Variants in MAF observed in about 807,000 individuals in gnomAD.
MAF encodes the protein MAF bZIP transcription factor, also known as transcription factor Maf.
A neutral mutation model predicts 22.0 loss-of-function variants in MAF; 10 were observed. The observed-to-expected ratio is 0.45, with a 90% CI of 0.28 to 0.77. The LOEUF is 0.77. Among genes scored for constraint, MAF ranks in the 30% least tolerant of loss-of-function variants. The probability of loss-of-function intolerance (pLI) is 0.12; values close to 1 mark genes in which losing one functional copy is unlikely to be tolerated. For synonymous variants in MAF, 337 were observed against 255.8 expected (o/e 1.32, Z -3.03); for missense variants, 544 against 548.4 (o/e 0.99, Z 0.08).
the MAF span, among the ~76,000 whole-genome samples, chr16:79,417,023 C>G: frequency 6.6e-6 from 1 of 152,186 alleles, no homozygotes; most frequent in Non-Finnish European, 1.5e-5. Flanking sequence ...GTTGTTTCCA[C>G]AATGCCAGAA....
At chr16:79,547,163 A>T in the MAF span, among the ~76,000 whole-genome samples, 1 of 151,994 alleles carries the variant, frequency 6.6e-6, no homozygotes, top group Non-Finnish European at 1.5e-5. Context: ...ACATGGAAAC[A>T]TCCTCTACTC....
the MAF span, among the ~76,000 whole-genome samples, chr16:79,354,483 CA>C: frequency 6.6e-6 from 1 of 152,128 alleles, no homozygotes; most frequent in Non-Finnish European, 1.5e-5. Context: ...AGAAGCAAAT[CA>C]GGGGGACTTC....
chr16:79,526,508 G>A, the MAF span, among the ~76,000 whole-genome samples: 1 of 152,138 alleles, frequency 6.6e-6, no homozygotes, highest in Non-Finnish European at 1.5e-5. Context: ...CTGGGGGTTA[G>A]GGACCACTTC....
chr16:79,303,743 A>G, the MAF span, among the ~76,000 whole-genome samples: 1 of 152,218 alleles, frequency 6.6e-6, no homozygotes, highest in Non-Finnish European at 1.5e-5. Context: ...TTATCAGACC[A>G]TGATATTACT....
At chr16:79,329,994 A>G in the MAF span, among the ~76,000 whole-genome samples, 1 of 152,214 alleles carries the variant, frequency 6.6e-6, no homozygotes, top group Non-Finnish European at 1.5e-5. Flanking sequence ...TTAGGAAATG[A>G]GCAACTAATC....
the MAF span, among the ~76,000 whole-genome samples, chr16:79,246,166 C>T: frequency 6.6e-6 from 1 of 152,070 alleles, no homozygotes; most frequent in Non-Finnish European, 1.5e-5. Context: ...TGGAACAAAC[C>T]TGCACATTCT....
the MAF span, among the ~76,000 whole-genome samples, chr16:79,423,323 G>C: frequency 1.1e-4 from 17 of 152,220 alleles, no homozygotes; most frequent in African/African-American, 4.1e-4. Flanking sequence ...GAATGAATTT[G>C]GCTTGTCTGG....
At chr16:79,468,967 A>T in the MAF span, among the ~76,000 whole-genome samples, 1 of 152,180 alleles carries the variant, frequency 6.6e-6, no homozygotes, top group African/African-American at 2.4e-5. Flanking sequence ...TCTTCCATAT[A>T]AAGAGTGATG....
At chr16:79,337,723 G>GCA in the MAF span, among the ~76,000 whole-genome samples, 1 of 152,088 alleles carries the variant, frequency 6.6e-6, no homozygotes, top group South Asian at 2.1e-4. Context: ...ATACACACAA[G>GCA]CACACGTGTG....
the MAF span, among the ~76,000 whole-genome samples, chr16:79,579,135 T>C: frequency 2.6e-5 from 4 of 152,314 alleles, no homozygotes; most frequent in East Asian, 7.7e-4. Flanking sequence ...GCCCTATAGC[T>C]TACAGACAGA....
At chr16:79,309,596 A>C in the MAF span, among the ~76,000 whole-genome samples, 2 of 152,228 alleles carry the variant, frequency 1.3e-5, no homozygotes, top group Admixed American at 6.5e-5. Flanking sequence ...AACACCTGTC[A>C]AAAGACAAAA....
chr16:79,226,321 T>C, the MAF span, among the ~76,000 whole-genome samples: 1 of 151,726 alleles, frequency 6.6e-6, no homozygotes, highest in African/African-American at 2.4e-5. Context: ...TAAGTGGGAG[T>C]TGAACATTGA....
At chr16:79,452,837 G>C in the MAF span, among the ~76,000 whole-genome samples, 1 of 152,194 alleles carries the variant, frequency 6.6e-6, no homozygotes, top group African/African-American at 2.4e-5. Flanking sequence ...GTGCACTTGG[G>C]AAGAGAACGA....
chr16:79,253,325 G>A, the MAF span, among the ~76,000 whole-genome samples: 1 of 152,054 alleles, frequency 6.6e-6, no homozygotes, highest in Non-Finnish European at 1.5e-5. Flanking sequence ...CTGAGCTCCC[G>A]GGCCTTTTCC....
the MAF span, among the ~76,000 whole-genome samples, chr16:79,271,831 C>T: frequency 1.1e-4 from 16 of 152,198 alleles, no homozygotes; most frequent in Admixed American, 5.9e-4. Context: ...AGCTTGGTGG[C>T]ACCACCAGGG....
chr16:79,230,933 T>C, the MAF span, among the ~76,000 whole-genome samples: 3 of 152,078 alleles, frequency 2.0e-5, no homozygotes, highest in African/African-American at 7.2e-5. Flanking sequence ...ACGCTAATAT[T>C]TCTCTGCCCA....
chr16:79,488,065 A>G, the MAF span, among the ~76,000 whole-genome samples: 1 of 152,164 alleles, frequency 6.6e-6, no homozygotes, highest in South Asian at 2.1e-4. Flanking sequence ...TAGAAGTCTC[A>G]AGACTTAAAA....
chr16:79,524,022 C>A, the MAF span, among the ~76,000 whole-genome samples: 1 of 152,204 alleles, frequency 6.6e-6, no homozygotes. Flanking sequence ...TAGACACACA[C>A]ACCTCTCCCG....
Position 79,600,109 on chromosome 16 carries a change from C to G in MAF, c.-207G>C. The G allele has an allele frequency of 1.0e-5, 6 of 583,930 alleles. No individual in the cohort carries two copies. Among genetic ancestry groups the G allele is most frequent in the Middle Eastern group, 4.7e-4 (1 of 2,140 alleles). 36.2% of individuals were successfully genotyped at this position (583,930 alleles called of 1,614,324 possible). A position where few individuals can be genotyped will look rare whatever the true frequency, so the allele number is the denominator to read the frequency against. ...TGCCCGCGCCCCCCGCGCCCGCCCT[C>G]CCTCCCCCCTGCTCACGCCAATGTG... is the stretch of plus-strand genomic sequence containing the variant. On this transcript the variant is annotated 5_prime_UTR_variant, in exon 1 of 2. Coordinates refer to ENST00000326043, the MANE Select transcript of MAF (RefSeq NM_005360.5).
Sources: gnomAD v4.1 joint callset for allele counts (sites outside exome capture counted in the v4.1 genomes callset) on GRCh38, gnomAD v4.1.1 for gene constraint, MANE v1.5 for transcripts, NCBI Gene and HGNC (gene_info 2026-07-23, HGNC 2026-07-21) for gene names.